KCNQ2: variants seen among roughly 807,000 people sequenced by gnomAD.
The protein encoded by KCNQ2 is potassium voltage-gated channel subfamily Q member 2, also known as potassium voltage-gated channel subfamily KQT member 2.
A neutral mutation model predicts 84.8 loss-of-function variants in KCNQ2; 14 were observed. That is an observed-to-expected ratio of 0.17 (90% CI 0.11 to 0.26). The LOEUF is 0.26. Ranked by LOEUF, KCNQ2 falls within the 10% of genes least tolerant of loss-of-function variation. The probability of loss-of-function intolerance (pLI) is 1.00; values close to 1 mark genes in which losing one functional copy is unlikely to be tolerated. For synonymous variants in KCNQ2, 599 were observed against 554.1 expected (o/e 1.08, Z -1.14); for missense variants, 788 against 1,254.0 (o/e 0.63, Z 5.61).
rs114886291 is a variant in KCNQ2, at chr20:63,439,134, C to T, written c.928-414G>A. On this transcript the variant is annotated intron_variant, in intron 6 of 16. Transcript: ENST00000359125. ...GAAGGGCACACAGTGAAGGGGACAC[C>T]GGGGCCAGCCTCTTGCCGTGCACCA... Among the ~76,000 whole-genome samples, 840 of 152,264 alleles carry T rather than the reference C, an allele frequency of 5.5e-3. 4 individuals carry two copies. The highest frequency in any genetic ancestry group is 0.019 in the African/African-American group (796 of 41,532).
Position 63,401,791 on chromosome 20 carries a change from C to T in KCNQ2, c.*4853G>A. On this transcript the variant is annotated 3_prime_UTR_variant, in exon 17 of 17. Coordinates refer to ENST00000359125, the MANE Select transcript of KCNQ2 (RefSeq NM_172107.4). ...GCCCCCTGCTGGGCACCCTCCACAG[C>T]AGGTCCAAGCCTCGTGAGCTGTCCC... 1 of 200,008 alleles carries T rather than the reference C, an allele frequency of 5.0e-6. No homozygotes were observed. The highest frequency in any genetic ancestry group is 6.4e-5 in the South Asian group (1 of 15,724). 12.4% of individuals were successfully genotyped at this position (200,008 alleles called of 1,614,324 possible).
intron 8 of KCNQ2, among the ~76,000 whole-genome samples, chr20:63,431,757 G>A (rs987878732): frequency 9.9e-5 from 15 of 152,168 alleles, no homozygotes; most frequent in African/African-American, 2.4e-4. Context: ...GGACTGCCGC[G>A]GGTCTGTCCA....
At chr20:63,440,381 G>A (rs556239204) in intron 5 of KCNQ2, among the ~76,000 whole-genome samples, 35 of 152,286 alleles carry the variant, frequency 2.3e-4, no homozygotes, top group African/African-American at 7.7e-4. Flanking sequence ...GCTCCGACAA[G>A]AGATGCCTGT....
chr20:63,438,005 T>A lies in KCNQ2; in HGVS notation c.1023+620A>T, dbSNP rs967477846. Among the ~76,000 whole-genome samples, 1 of 152,208 alleles carries A rather than the reference T, an allele frequency of 6.6e-6. No individual in the cohort carries two copies. Among genetic ancestry groups the A allele is most frequent in the Admixed American group, 6.5e-5 (1 of 15,280 alleles). ...TTGTATTTTTAGGAGAGACAGGGTT[T>A]CACCATGTTGGCCAGGCTGGTCTTG... On this transcript the variant is annotated intron_variant, in intron 7 of 16. Coordinates refer to ENST00000359125, the MANE Select transcript of KCNQ2 (RefSeq NM_172107.4). This position sits in a 1 kb window ranked among gnomAD's most constrained non-coding sequence, Gnocchi z 5.1.
At chr20:63,422,037 A>C (rs369189500) in intron 11 of KCNQ2, among the ~76,000 whole-genome samples, 2 of 152,166 alleles carry the variant, frequency 1.3e-5, no homozygotes, top group African/African-American at 4.8e-5. Flanking sequence ...CCCTGTGTCC[A>C]CACCATCCAC....
At chr20:63,445,627 A>ATT in intron 2 of KCNQ2, 3 of 38,666 alleles carry the variant, frequency 7.8e-5, no homozygotes, top group South Asian at 3.8e-4. Flanking sequence ...TGAGCTGGGG[A>ATT]CTCTATCTGG....
At chr20:63,411,535 C>T (rs2080121476) in intron 15 of KCNQ2, among the ~76,000 whole-genome samples, 1 of 152,232 alleles carries the variant, frequency 6.6e-6, no homozygotes, top group African/African-American at 2.4e-5. Flanking sequence ...CCCCGGCTTC[C>T]CCAGGGCACT....
At chr20:63,431,498 C>T in intron 8 of KCNQ2, 129 bp from the exon 9 acceptor site, 1 of 1,057,120 alleles carries the variant, frequency 9.5e-7, no homozygotes. Flanking sequence ...AAAATTAGCA[C>T]AAGGGCTGGT....
At chr20:63,463,592 A>C (rs1194664229) in intron 1 of KCNQ2, 1 of 152,274 alleles carries the variant, frequency 6.6e-6, no homozygotes, top group Non-Finnish European at 1.5e-5. Flanking sequence ...CTCAGGGCAG[A>C]CATCCCAACC....
In KCNQ2 at chr20:63,438,506, G is replaced by T; in HGVS notation, c.1023+119C>A. On this transcript the variant is annotated intron_variant, in intron 7 of 16. Coordinates refer to ENST00000359125, the MANE Select transcript of KCNQ2 (RefSeq NM_172107.4). This position sits in a 1 kb window ranked among gnomAD's most constrained non-coding sequence, Gnocchi z 5.1. ...CTCCTTCCACAGATTCCTGCAGAGG[G>T]TGAGCGCTGTGGCCCATCCACAGAC... The T allele has an allele frequency of 3.6e-6, 3 of 827,744 alleles. No individual in the cohort carries two copies. 51.3% of individuals were successfully genotyped at this position (827,744 alleles called of 1,614,324 possible).
Position 63,408,457 on chromosome 20 carries a change from CG to C in KCNQ2, c.1842del (p.Glu615ArgfsTer5). 6.2e-7 allele frequency: 1 copy of C among 1,608,620 alleles called. No homozygotes were observed. The highest frequency in any genetic ancestry group is 8.5e-7 in the Non-Finnish European group (1 of 1,178,682). ...AGCCGTCCCATCATGCTGGGGTCCT[CG>C]GGCAGCTCCGCCTCGGCCGGGCCCT... ...RTKGPAEAEL[P>X]EDPSMMGRLG... is the part of the protein sequence containing the mutation. On this transcript the variant is annotated frameshift_variant, in exon 16 of 17. Coordinates refer to ENST00000359125, the MANE Select transcript of KCNQ2 (RefSeq NM_172107.4). LOFTEE classifies it high-confidence loss of function. The surrounding 1 kb of genome is among the most constrained non-coding windows in gnomAD (Gnocchi z 5.0).
chr20:63,433,819 G>A lies in KCNQ2; in HGVS notation c.1108C>T (p.Pro370Ser). ...WQYYERTVTV[P>S]MYSSQTQTYG... ...GCCCGGCGGCGGTACCTGTACATGG[G>A]CACGGTGACCGTTCGCTCGTAGTAC... Residue 370 changes from proline to serine, a missense_variant, in exon 8 of 17, where the codon CCC (proline) becomes TCC (serine). Around this residue, in one of 8 missense-constraint regions of KCNQ2, gnomAD observed 202 missense variants for 239.4 expected, o/e 0.84. Transcript: ENST00000359125. 4 of 1,613,960 alleles carry A rather than the reference G, an allele frequency of 2.5e-6. No individual in the cohort carries two copies. The highest frequency in any genetic ancestry group is 2.5e-6 in the Non-Finnish European group (3 of 1,179,940).
At chr20:63,444,943 G>C in intron 3 of KCNQ2, 109 bp from the exon 4 acceptor site, 5 of 1,245,622 alleles carry the variant, frequency 4.0e-6, no homozygotes, top group Non-Finnish European at 5.5e-6. Context: ...GCGGGAAGGT[G>C]TATGCCCAGC....
chr20:63,427,410 C>T (rs1388454607), intron 10 of KCNQ2, among the ~76,000 whole-genome samples: 3 of 152,366 alleles, frequency 2.0e-5, no homozygotes, highest in South Asian at 2.1e-4. Context: ...CACAGCCGCA[C>T]GCGGCTCCCG....
rs900406351 is a variant in KCNQ2, at chr20:63,414,004, C to T, written c.1631+84G>A. ...TGTCTCTGGGCGGCTCTGTCCAGCA[C>T]CATGAGCACCGGCAGCAGGCAGGAC... On this transcript the variant is annotated intron_variant, in intron 14 of 16. Transcript: ENST00000359125. This position sits in a 1 kb window ranked among gnomAD's most constrained non-coding sequence, Gnocchi z 6.6. 9 of 1,038,846 alleles carry T rather than the reference C, an allele frequency of 8.7e-6. No individual in the cohort carries two copies. The highest frequency in any genetic ancestry group is 1.2e-5 in the Non-Finnish European group (8 of 660,720). The allele number at this position is 1,038,846 out of a possible 1,614,324, so 64.4% of individuals were successfully genotyped here.
Position 63,435,115 on chromosome 20 carries a change from G to A in KCNQ2, c.1024-1212C>T, listed in dbSNP as rs539597631. On this transcript the variant is annotated intron_variant, in intron 7 of 16. Transcript: ENST00000359125. Reference sequence around the variant, plus strand: ...TTTGCCATTTGCTAACATGTCAGCCGCCCTGGCCTGGCGCAGAGGCTCACA... The same window carrying A: ...TTTGCCATTTGCTAACATGTCAGCCACCCTGGCCTGGCGCAGAGGCTCACA... Among the ~76,000 whole-genome samples the A allele has an allele frequency of 1.1e-4, 16 of 152,294 alleles. No homozygotes were observed. The South Asian group carries it at 2.9e-3, about 28-fold the overall frequency.
intron 9 of KCNQ2, among the ~76,000 whole-genome samples, chr20:63,429,825 G>C (rs2080739995): frequency 6.6e-6 from 1 of 152,170 alleles, no homozygotes; most frequent in South Asian, 2.1e-4. Context: ...AGGCTAGGCA[G>C]GTGTGAGCTG....
intron 1 of KCNQ2, among the ~76,000 whole-genome samples, chr20:63,465,564 C>T (rs557366131): frequency 7.2e-5 from 11 of 152,326 alleles, no homozygotes; most frequent in East Asian, 1.9e-4. Flanking sequence ...GCTCGGCACA[C>T]GGGCTGGTGA....
chr20:63,442,482 G>T lies in KCNQ2; in HGVS notation c.740C>A (p.Ser247Ter), dbSNP rs74315392. Residue 247 changes from serine (S) to a stop codon, truncating the protein, a stop_gained, in exon 5 of 17, where the codon TCG becomes TAG. Coordinates refer to ENST00000359125, the MANE Select transcript of KCNQ2 (RefSeq NM_172107.4). LOFTEE classifies it high-confidence loss of function. ...CTTCTCTGCCAAGTACACCAGGAAC[G>T]AGGCCAGGATGAGACAAAGGAAGCC... Reference protein sequence around the residue: ...YIGFLCLILASFLVYLAEKGE... With the variant: ...YIGFLCLILA The T allele has an allele frequency of 6.2e-7, 1 of 1,613,504 alleles. No individual in the cohort carries two copies. The highest frequency in any genetic ancestry group is 8.5e-7 in the Non-Finnish European group (1 of 1,179,914).
Sources: gnomAD v4.1 joint callset for allele counts (sites outside exome capture counted in the v4.1 genomes callset) on GRCh38, gnomAD v4.1.1 for gene constraint, gnomAD v4.1.1 regional missense constraint, Gnocchi (gnomAD v3.1) non-coding constraint, MANE v1.5 for transcripts, NCBI Gene and HGNC (gene_info 2026-07-23, HGNC 2026-07-21) for gene names.